GAREM2: variants seen among roughly 807,000 people sequenced by gnomAD.
GAREM2 encodes the protein GRB2 associated regulator of MAPK1 subtype 2, also known as GRB2-associated and regulator of MAPK protein 2.
GAREM2 carries 30 observed loss-of-function variants against 55.6 expected under a neutral mutation model. That is an observed-to-expected ratio of 0.54 (90% confidence interval 0.40 to 0.73). The LOEUF (loss-of-function observed/expected upper bound fraction) is 0.73. Among genes scored for constraint, GAREM2 ranks in the 30% least tolerant of loss-of-function variants. The probability of loss-of-function intolerance (pLI) is 0.00; values close to 1 mark genes in which losing one functional copy is unlikely to be tolerated. For missense variants in GAREM2, 1,075 were observed against 1,257.7 expected (o/e 0.85, Z 2.20); for synonymous variants, 550 against 569.1 (o/e 0.97, Z 0.48).
chr2:26,203,112 A>G, the GAREM2 span, among the ~76,000 whole-genome samples: 1 of 152,238 alleles, frequency 6.6e-6, no homozygotes, highest in Non-Finnish European at 1.5e-5. Context: ...TCTAGCACAC[A>G]TCATTTTTTT....
At chr2:26,175,924 G>T (rs1292205320) in intron 1 of GAREM2, among the ~76,000 whole-genome samples, 2 of 152,188 alleles carry the variant, frequency 1.3e-5, no homozygotes, top group Non-Finnish European at 2.9e-5. Flanking sequence ...GCCTACTGCT[G>T]CCCTCCGGGT....
At position 26,184,257 on chromosome 2, in the gene GAREM2, G is replaced by T. The variant is rs368066026; in HGVS notation, c.409G>T (p.Asp137Tyr). Residue 137 changes from aspartate (D) to tyrosine (Y), a missense_variant, in exon 4 of 6, where the codon GAC (aspartate) becomes TAC (tyrosine). Physicochemically the swap from Asp to Tyr is radical, Grantham distance 160. Coordinates refer to ENST00000401533, the MANE Select transcript of GAREM2 (RefSeq NM_001168241.2). ...GGTGGTGTCGGGCGAGTTCAGCGAG[G>T]ACAGCGAGGTGTACAACTTCACGCT... The part of the protein sequence containing the change: ...VKVVSGEFSE[D>Y]SEVYNFTLHA... 139 of 1,550,628 alleles carry T rather than the reference G, an allele frequency of 9.0e-5. No homozygotes were observed. Among genetic ancestry groups the T allele is most frequent in the Non-Finnish European group, 1.1e-4 (124 of 1,146,566 alleles).
At chr2:26,182,130 A>C in intron 2 of GAREM2, 1 of 1,180,046 alleles carries the variant, frequency 8.5e-7, no homozygotes. Context: ...TCATGTGGGT[A>C]TGCATATAAC....
At chr2:26,201,809 T>C in the GAREM2 span, among the ~76,000 whole-genome samples, 1 of 152,102 alleles carries the variant, frequency 6.6e-6, no homozygotes, top group Non-Finnish European at 1.5e-5. Flanking sequence ...TTTATTTATT[T>C]TTTGAGACGG....
chr2:26,186,354 G>A lies in GAREM2; in HGVS notation c.1594G>A (p.Asp532Asn), dbSNP rs1669258736. 17 of 1,551,846 alleles carry A rather than the reference G, an allele frequency of 1.1e-5. No homozygotes were observed. The highest frequency in any genetic ancestry group is 1.4e-5 in the Non-Finnish European group (16 of 1,146,988). ...CTCCTACTACTCCTCTGGCCTCCAG[G>A]ATGGGTGAGTCCCTGCCTTCCCTTG... The part of the protein sequence containing the change: ...SLSYYSSGLQ[D>N]GAGSRSGSGS... Residue 532 changes from aspartate (D) to asparagine (N), a missense_variant, in exon 5 of 6, where the codon GAT (aspartate) becomes AAT (asparagine). Physicochemically the swap from Asp to Asn is conservative, Grantham distance 23 (BLOSUM62 1). Coordinates refer to ENST00000401533, the MANE Select transcript of GAREM2 (RefSeq NM_001168241.2).
the GAREM2 span, chr2:26,195,220 G>A: frequency 6.2e-7 from 1 of 1,612,884 alleles, no homozygotes; most frequent in Non-Finnish European, 8.5e-7. Flanking sequence ...GAGAAGTAGT[G>A]CATGCCAATC....
intron 1 of GAREM2, among the ~76,000 whole-genome samples, chr2:26,175,900 C>G (rs1558303903): frequency 6.6e-6 from 1 of 152,194 alleles, no homozygotes; most frequent in Non-Finnish European, 1.5e-5. Context: ...TTCGCCACCA[C>G]ACCCCCAGCT....
chr2:26,187,858 CT>C lies in GAREM2; in HGVS notation c.2229del (p.Phe743LeufsTer31). On this transcript the variant is annotated frameshift_variant, in exon 6 of 6. Transcript: ENST00000401533. LOFTEE classifies it high-confidence loss of function. Reference protein sequence around the residue: ...RLSPLGPSKAFEPEGLVLHQV... With the variant: ...RLSPLGPSKAXEPEGLVLHQV... The stretch of plus-strand genomic sequence containing the variant: ...TTTCACCACTTGGCCCCTCCAAGGC[CT>C]TTGAGCCTGAAGGTTTGGTGCTGCA... The C allele has an allele frequency of 6.9e-7, 1 of 1,440,344 alleles. No homozygotes were observed. The highest frequency in any genetic ancestry group is 9.2e-7 in the Non-Finnish European group (1 of 1,091,594). 89.2% of individuals were successfully genotyped at this position (1,440,344 alleles called of 1,614,324 possible).
At chr2:26,173,430 C>G (rs1668763837) in intron 1 of GAREM2, 98 bp downstream of exon 1, 1 of 595,546 alleles carries the variant, frequency 1.7e-6, no homozygotes, top group African/African-American at 1.9e-5. Context: ...GCGGCACCCG[C>G]ACCCTCCCAG....
chr2:26,177,037 T>C (rs1459531605), intron 2 of GAREM2, among the ~76,000 whole-genome samples: 3 of 152,232 alleles, frequency 2.0e-5, no homozygotes, highest in Non-Finnish European at 4.4e-5. Context: ...ATGGACTACC[T>C]TTATTAGTTT....
At chr2:26,190,429 G>A (rs1669457414), downstream of GAREM2, among the ~76,000 whole-genome samples, 3 of 152,132 alleles carry the variant, frequency 2.0e-5, no homozygotes, top group South Asian at 6.2e-4. Flanking sequence ...CAGGTGCTGT[G>A]GGGGTCAGCA....
chr2:26,182,112 T>G, intron 2 of GAREM2: 1 of 1,111,116 alleles, frequency 9.0e-7, no homozygotes. Flanking sequence ...TCAGAGCTTG[T>G]TTTGTGCTCA....
rs969038176 is a variant in GAREM2, at chr2:26,189,311, G to A, written c.*1054G>A. 3.3e-5 allele frequency: 5 copies of A among 152,196 alleles called. No individual in the cohort carries two copies. Among genetic ancestry groups the A allele is most frequent in the Non-Finnish European group, 7.3e-5 (5 of 68,076 alleles). 9.4% of individuals were successfully genotyped at this position (152,196 alleles called of 1,614,324 possible). On this transcript the variant is annotated 3_prime_UTR_variant, in exon 6 of 6. Coordinates refer to ENST00000401533, the MANE Select transcript of GAREM2 (RefSeq NM_001168241.2). ...CCTTGAATCTCAAACATGGGGATCTGCTTGGTACCCAGAGCTCTGGTCATT... is the reference window on the plus strand; with the variant it reads ...CCTTGAATCTCAAACATGGGGATCTACTTGGTACCCAGAGCTCTGGTCATT...
the GAREM2 span, among the ~76,000 whole-genome samples, chr2:26,197,271 G>A: frequency 6.6e-6 from 1 of 152,154 alleles, no homozygotes; most frequent in Admixed American, 6.5e-5. Context: ...GGGGTAGAAG[G>A]TGTAAGCAAA....
At chr2:26,193,565 G>C (rs764067243), downstream of GAREM2, 3 of 1,602,318 alleles carry the variant, frequency 1.9e-6, no homozygotes, top group Admixed American at 5.0e-5. Flanking sequence ...ATGTTTCCTT[G>C]AGGCTACTCA....
downstream of GAREM2, chr2:26,191,152 T>TC (rs1436388101): frequency 4.7e-6 from 6 of 1,281,236 alleles, no homozygotes; most frequent in Non-Finnish European, 6.8e-6. Flanking sequence ...GAGTTTGTCT[T>TC]CTCGTTACTC....
In GAREM2 at chr2:26,176,378, C is replaced by A; in HGVS notation, c.147C>A (p.Ile49=). 6.5e-7 allele frequency: 1 copy of A among 1,549,398 alleles called. No individual in the cohort carries two copies. The highest frequency in any genetic ancestry group is 8.7e-7 in the Non-Finnish European group (1 of 1,145,732). ...CCGAGGGCGTCAGTGAGCGAGACAT[C>A]CTGCTCATCCACTCCTGCCGGCAGT... ...EYAEGVSERD[I]LLIHSCRQWT... The change falls in exon 2 of 6, where the codon ATC becomes ATA. Residue 49 remains isoleucine (I), a synonymous_variant. Transcript: ENST00000401533.
intron 1 of GAREM2, among the ~76,000 whole-genome samples, chr2:26,174,733 T>C (rs1668806603): frequency 6.6e-6 from 1 of 152,220 alleles, no homozygotes; most frequent in Non-Finnish European, 1.5e-5. Context: ...CTGGTCAGAA[T>C]TGTATGGCTT....
chr2:26,191,177 A>C, downstream of GAREM2: 1 of 1,445,076 alleles, frequency 6.9e-7, no homozygotes, highest in Non-Finnish European at 9.7e-7. Flanking sequence ...AAATCTAGAC[A>C]CCACTCTGTT....
Sources: allele counts gnomAD v4.1 joint callset (sites outside exome capture counted in the v4.1 genomes callset), GRCh38; gene constraint gnomAD v4.1.1; transcripts MANE v1.5; gene names NCBI Gene and HGNC (gene_info 2026-07-23, HGNC 2026-07-21).